Variants in PTPN23 observed in about 807,000 individuals in gnomAD.
PTPN23 encodes tyrosine-protein phosphatase non-receptor type 23.
A neutral mutation model predicts 156.3 loss-of-function variants in PTPN23; 72 were observed. The observed-to-expected ratio is 0.46, with a 90% CI of 0.38 to 0.56. The LOEUF (loss-of-function observed/expected upper bound fraction) is 0.56. PTPN23 is among the 20% of genes least tolerant of loss of function. The pLI is 0.00. For synonymous variants in PTPN23, 957 were observed against 899.6 expected (o/e 1.06, Z -1.14); for missense variants, 1,974 against 2,171.5 (o/e 0.91, Z 1.81).
chr3:47,409,425 C>G lies in PTPN23; in HGVS notation c.1806C>G (p.Phe602Leu). ...CCCCACCCCTTCCTCAGAAGTTGTT[C>G]GAGGAGCAGCTGAAAAAGTATGACC... ...TTDHSEMKKLFEEQLKKYDQL... is the reference protein window; with the variant it reads ...TTDHSEMKKLLEEQLKKYDQL... The change falls in exon 18 of 25, where the codon TTC (phenylalanine) becomes TTG (leucine). Residue 602 changes from phenylalanine to leucine, a missense_variant. By Grantham distance (22) the Phe-to-Leu change is conservative. Coordinates refer to ENST00000265562, the MANE Select transcript of PTPN23 (RefSeq NM_015466.4). 2.5e-6 allele frequency: 4 copies of G among 1,614,050 alleles called. No individual in the cohort carries two copies. Among genetic ancestry groups the G allele is most frequent in the Non-Finnish European group, 3.4e-6 (4 of 1,180,002 alleles).
chr3:47,406,450 C>G lies in PTPN23; in HGVS notation c.628-31C>G, dbSNP rs764013650. On this transcript the variant is annotated intron_variant, in intron 7 of 24. Transcript: ENST00000265562. This position sits in a 1 kb window ranked among gnomAD's most constrained non-coding sequence, Gnocchi z 5.8. ...GAGGCCTTCACTTTACTGCTGACTC[C>G]CCCACTCATTGGGCCCCACCCTGTT... 2 of 1,613,868 alleles carry G rather than the reference C, an allele frequency of 1.2e-6. No individual in the cohort carries two copies. The highest frequency in any genetic ancestry group is 2.2e-5 in the South Asian group (2 of 91,078).
At chr3:47,383,132 G>C (rs1186459368) in intron 1 of PTPN23, among the ~76,000 whole-genome samples, 1 of 152,100 alleles carries the variant, frequency 6.6e-6, no homozygotes, top group Non-Finnish European at 1.5e-5. Flanking sequence ...AGTCCCCACT[G>C]TGTGCTTCAT....
chr3:47,390,060 G>A (rs1268135157), intron 1 of PTPN23, among the ~76,000 whole-genome samples: 11 of 144,482 alleles, frequency 7.6e-5, no homozygotes, highest in African/African-American at 2.1e-4. Context: ...GTAACAGAGC[G>A]AGACTCCGTC....
chr3:47,396,310 A>C, intron 2 of PTPN23, 93 bp downstream of exon 2: 1 of 1,026,302 alleles, frequency 9.7e-7, no homozygotes, highest in Non-Finnish European at 1.4e-6. Context: ...ATGGTGGCTC[A>C]ACGCCTATAA....
At chr3:47,393,721 C>T (rs1704821568) in intron 1 of PTPN23, among the ~76,000 whole-genome samples, 1 of 151,810 alleles carries the variant, frequency 6.6e-6, no homozygotes, top group Non-Finnish European at 1.5e-5. Context: ...TCTCATATTG[C>T]ATTTAGTTGT....
chr3:47,391,764 T>C (rs969359938), intron 1 of PTPN23, among the ~76,000 whole-genome samples: 8 of 152,172 alleles, frequency 5.3e-5, no homozygotes, highest in Non-Finnish European at 1.0e-4. Context: ...AGCTACACTT[T>C]TACTCATTTT....
chr3:47,388,413 G>T (rs985180312), intron 1 of PTPN23, among the ~76,000 whole-genome samples: 1 of 151,692 alleles, frequency 6.6e-6, no homozygotes, highest in Non-Finnish European at 1.5e-5. Flanking sequence ...ACTGTGTTGC[G>T]CAGGCTGGTC....
intron 2 of PTPN23, among the ~76,000 whole-genome samples, chr3:47,403,684 C>T (rs1705053258): frequency 6.6e-6 from 1 of 152,022 alleles, no homozygotes; most frequent in African/African-American, 2.4e-5. Context: ...ACCATCACGC[C>T]TAGATAATTT....
At chr3:47,412,253 C>T (rs763261316) in intron 22 of PTPN23, 30 bp from the exon 23 acceptor site, 22 of 1,612,820 alleles carry the variant, frequency 1.4e-5, no homozygotes, top group African/African-American at 2.7e-5. Flanking sequence ...TAGCCTCATA[C>T]CCCGGCCTCA....
intron 2 of PTPN23, among the ~76,000 whole-genome samples, chr3:47,403,876 T>C (rs950713765): frequency 6.6e-6 from 1 of 152,144 alleles, no homozygotes; most frequent in Non-Finnish European, 1.5e-5. Flanking sequence ...TGAATATCCT[T>C]GCGTTCATAT....
At chr3:47,395,933 C>T (rs1234225303) in intron 1 of PTPN23, among the ~76,000 whole-genome samples, 1 of 151,712 alleles carries the variant, frequency 6.6e-6, no homozygotes. Context: ...GTTAGGAGGA[C>T]CTGCCAGAGT....
intron 2 of PTPN23, among the ~76,000 whole-genome samples, chr3:47,398,756 G>A (rs755014465): frequency 6.6e-6 from 1 of 152,078 alleles, no homozygotes; most frequent in African/African-American, 2.4e-5. Flanking sequence ...GTAGAGATGG[G>A]GTTCCCCTGT....
Position 47,410,332 on chromosome 3 carries a change from G to A in PTPN23, c.2534G>A (p.Ser845Asn), listed in dbSNP as rs967686253. 8.7e-6 allele frequency: 14 copies of A among 1,607,002 alleles called. No individual in the cohort carries two copies. In the Admixed American group the frequency reaches 1.3e-4, roughly 15 times the overall value. The change falls in exon 20 of 25, where the codon AGC (serine) becomes AAC (asparagine). Residue 845 changes from serine (S) to asparagine (N), a missense_variant. Transcript: ENST00000265562. ...PRSSPQHGVV[S>N]SPYVGVGPAP... The stretch of plus-strand genomic sequence containing the variant: ...TCCTCCCCACAGCATGGCGTGGTGA[G>A]CAGTCCCTATGTGGGGGTAGGGCCG...
chr3:47,381,841 G>A (rs1381851576), intron 1 of PTPN23, among the ~76,000 whole-genome samples: 1 of 152,222 alleles, frequency 6.6e-6, no homozygotes, highest in Non-Finnish European at 1.5e-5. Flanking sequence ...AGAGCTCAGA[G>A]AAATCTTACT....
At chr3:47,385,899 C>T (rs1032165245) in intron 1 of PTPN23, among the ~76,000 whole-genome samples, 3 of 152,166 alleles carry the variant, frequency 2.0e-5, no homozygotes, top group African/African-American at 7.2e-5. Flanking sequence ...TTCAGCCTGT[C>T]TCTCTAACTT....
chr3:47,412,794 T>C lies in PTPN23; in HGVS notation c.4520T>C (p.Ile1507Thr). Residue 1507 changes from isoleucine to threonine, a missense_variant, in exon 25 of 25, where the codon ATT becomes ACT. Physicochemically the swap from Ile to Thr is moderately conservative, Grantham distance 89. This residue lies in a region of PTPN23 where 484 missense variants were observed against 516.0 expected (regional missense o/e 0.94). Transcript: ENST00000265562. ...CAGGCCACCATTGCCAAGCTCAGCATTCGGCCTCCTGGGGGGTTGGAGTCC... is the reference window on the plus strand; with the variant it reads ...CAGGCCACCATTGCCAAGCTCAGCACTCGGCCTCCTGGGGGGTTGGAGTCC... ...SIQATIAKLSIRPPGGLESPV... is the reference protein window; with the variant it reads ...SIQATIAKLSTRPPGGLESPV... 6.2e-7 allele frequency: 1 copy of C among 1,613,402 alleles called. No homozygotes were observed. The highest frequency in any genetic ancestry group is 8.5e-7 in the Non-Finnish European group (1 of 1,179,858).
chr3:47,399,447 T>C (rs982422264), intron 2 of PTPN23, among the ~76,000 whole-genome samples: 1 of 152,138 alleles, frequency 6.6e-6, no homozygotes, highest in African/African-American at 2.4e-5. Flanking sequence ...ATAAGTTGAA[T>C]CTTTAAAAAG....
rs752712620 is a variant in PTPN23, at chr3:47,411,377, T to C, written c.3579T>C (p.Thr1193=). The change falls in exon 20 of 25, where the codon ACT becomes ACC. Residue 1193 remains threonine, a synonymous_variant. Transcript: ENST00000265562. The surrounding 1 kb of genome is among the most constrained non-coding windows in gnomAD (Gnocchi z 6.3). The stretch of plus-strand genomic sequence containing the variant: ...TGGGGGATGTGGGAGCTCTGGACAC[T>C]GTCTGGCGAGAGCTGCAAGATGCGC... ...GQLGDVGALD[T]VWRELQDAQE... 15 of 1,612,964 alleles carry C rather than the reference T, an allele frequency of 9.3e-6. No homozygotes were observed. Among genetic ancestry groups the C allele is most frequent in the Admixed American group, 1.7e-5 (1 of 60,024 alleles).
chr3:47,407,539 T>C lies in PTPN23; in HGVS notation c.958T>C (p.Tyr320His), dbSNP rs1705157872. 1 of 1,613,954 alleles carries C rather than the reference T, an allele frequency of 6.2e-7. No individual in the cohort carries two copies. The change falls in exon 12 of 25, where the codon TAC becomes CAC. Residue 320 changes from tyrosine (Y) to histidine (H), a missense_variant. This residue lies in a region of PTPN23 where 726 missense variants were observed against 929.5 expected (regional missense o/e 0.78). Coordinates refer to ENST00000265562, the MANE Select transcript of PTPN23 (RefSeq NM_015466.4). The surrounding 1 kb of genome is among the most constrained non-coding windows in gnomAD (Gnocchi z 4.0). ...NSAKKDNDFI[Y>H]HEAVPALDTL... is the part of the protein sequence containing the mutation. Reference sequence around the variant, plus strand: ...TGCCAAGAAGGACAACGACTTCATTTACCATGAGGCTGTCCCAGCATTGGA... The same window carrying C: ...TGCCAAGAAGGACAACGACTTCATTCACCATGAGGCTGTCCCAGCATTGGA...
Sources: gnomAD v4.1 joint callset for allele counts (sites outside exome capture counted in the v4.1 genomes callset) on GRCh38, gnomAD v4.1.1 for gene constraint, gnomAD v4.1.1 regional missense constraint, Gnocchi (gnomAD v3.1) non-coding constraint, MANE v1.5 for transcripts, NCBI Gene and HGNC (gene_info 2026-07-23, HGNC 2026-07-21) for gene names.